The following NLGN1 variants were observed in gnomAD, a reference collection of about 807,000 sequenced individuals.
NLGN1 encodes the protein neuroligin-1.
Under a neutral mutation model 65.5 loss-of-function variants are expected in NLGN1, and 12 were observed. That is an observed-to-expected ratio of 0.18 (90% CI 0.12 to 0.30). The LOEUF (loss-of-function observed/expected upper bound fraction) is 0.30, where lower values mean the gene tolerates loss of function less well. Ranked by LOEUF, NLGN1 falls within the 10% of genes least tolerant of loss-of-function variation. The pLI is 1.00. For synonymous variants in NLGN1, 350 were observed against 359.5 expected, an observed-to-expected ratio of 0.97 and a Z score of 0.30; for missense variants, 750 against 1,007.1, an observed-to-expected ratio of 0.74 and a Z score of 3.46.
intron 4 of NLGN1, among the ~76,000 whole-genome samples, chr3:174,255,696 T>C (rs974902278): frequency 6.6e-6 from 1 of 151,750 alleles, no homozygotes; most frequent in African/African-American, 2.4e-5. Context: ...TCTCACTCTG[T>C]CGCCCAGGCC....
intron 4 of NLGN1, among the ~76,000 whole-genome samples, chr3:174,033,942 G>A (rs934285960): frequency 3.3e-5 from 5 of 152,086 alleles, no homozygotes; most frequent in African/African-American, 1.2e-4. Flanking sequence ...GCAAACCACA[G>A]ATTGAGGGAA....
At chr3:173,423,594 A>G (rs1167358393) in intron 1 of NLGN1, among the ~76,000 whole-genome samples, 2 of 152,180 alleles carry the variant, frequency 1.3e-5, no homozygotes, top group East Asian at 3.9e-4. Flanking sequence ...CAGGGTAACC[A>G]TTAAATCTTG....
intron 4 of NLGN1, among the ~76,000 whole-genome samples, chr3:174,082,650 A>G (rs1742474065): frequency 6.6e-6 from 1 of 151,970 alleles, no homozygotes; most frequent in Non-Finnish European, 1.5e-5. Context: ...AAAGCAATAC[A>G]TTTTTAATAA....
At chr3:173,597,920 G>A (rs1489178094) in intron 2 of NLGN1, among the ~76,000 whole-genome samples, 1 of 151,880 alleles carries the variant, frequency 6.6e-6, no homozygotes, top group Admixed American at 6.6e-5. Context: ...ATCTTCTTGA[G>A]GTTTTCAAAC....
intron 4 of NLGN1, among the ~76,000 whole-genome samples, chr3:173,982,471 T>G (rs1482432553): frequency 6.6e-6 from 1 of 152,170 alleles, no homozygotes; most frequent in African/African-American, 2.4e-5. Flanking sequence ...CCATGTGTTA[T>G]TAAATGCTTG....
At chr3:173,846,458 G>T (rs959812690) in intron 4 of NLGN1, among the ~76,000 whole-genome samples, 1 of 152,188 alleles carries the variant, frequency 6.6e-6, no homozygotes, top group Admixed American at 6.5e-5. Context: ...AGTGGGAGAG[G>T]TGAGAGAACA....
intron 4 of NLGN1, among the ~76,000 whole-genome samples, chr3:173,840,803 T>C (rs987704969): frequency 1.3e-5 from 2 of 152,210 alleles, no homozygotes; most frequent in African/African-American, 4.8e-5. Context: ...TACCACTATT[T>C]TCTTAACCAC....
At chr3:173,454,942 T>A (rs1722257284) in intron 2 of NLGN1, among the ~76,000 whole-genome samples, 1 of 152,206 alleles carries the variant, frequency 6.6e-6, no homozygotes, top group African/African-American at 2.4e-5. Flanking sequence ...TTAACTGGCC[T>A]AACTTTAATA....
intron 3 of NLGN1, among the ~76,000 whole-genome samples, chr3:173,670,931 C>G (rs1385007683): frequency 2.0e-5 from 3 of 152,150 alleles, no homozygotes; most frequent in Admixed American, 6.5e-5. Flanking sequence ...TAAATGTACT[C>G]AAATAAATTA....
chr3:174,285,203 T>A (rs1751971875), exon 7 of NLGN1: 2 of 151,456 alleles, frequency 1.3e-5, no homozygotes, highest in Non-Finnish European at 3.0e-5. Context: ...AAATGATGAA[T>A]TGAATTCTTA....
intron 4 of NLGN1, among the ~76,000 whole-genome samples, chr3:173,837,437 T>C (rs563642603): frequency 6.6e-6 from 1 of 152,282 alleles, no homozygotes; most frequent in East Asian, 1.9e-4. Flanking sequence ...GCTTTGTTCT[T>C]TATGAGGCAA....
chr3:173,913,338 TG>T (rs1740015935), intron 4 of NLGN1, among the ~76,000 whole-genome samples: 1 of 152,184 alleles, frequency 6.6e-6, no homozygotes, highest in African/African-American at 2.4e-5. Flanking sequence ...GAGATTTAGA[TG>T]TTTGATACCC....
At chr3:173,400,020 C>T (rs1438173927) in intron 1 of NLGN1, 1 of 152,116 alleles carries the variant, frequency 6.6e-6, no homozygotes, top group Non-Finnish European at 1.5e-5. Context: ...AATTACCTAA[C>T]AAATACTAAT....
intron 2 of NLGN1, among the ~76,000 whole-genome samples, chr3:173,511,922 A>G (rs1003382213): frequency 2.0e-5 from 3 of 152,290 alleles, no homozygotes; most frequent in Admixed American, 6.5e-5. Flanking sequence ...ATTATATTGC[A>G]GGGTATTTTC....
At chr3:173,867,356 G>C (rs1730368098) in intron 4 of NLGN1, among the ~76,000 whole-genome samples, 1 of 152,042 alleles carries the variant, frequency 6.6e-6, no homozygotes, top group Admixed American at 6.6e-5. Flanking sequence ...GCATTTTTCT[G>C]TATTGGCTAA....
intron 3 of NLGN1, among the ~76,000 whole-genome samples, chr3:173,710,018 G>C (rs1768705498): frequency 6.6e-6 from 1 of 152,012 alleles, no homozygotes; most frequent in Non-Finnish European, 1.5e-5. Context: ...AAAACCTACT[G>C]TTCATCTAAT....
At chr3:173,776,580 G>T (rs1780330588) in intron 3 of NLGN1, among the ~76,000 whole-genome samples, 1 of 151,962 alleles carries the variant, frequency 6.6e-6, no homozygotes, top group East Asian at 1.9e-4. Context: ...TTAATTACCT[G>T]TCCCTTAGAA....
intron 4 of NLGN1, among the ~76,000 whole-genome samples, chr3:174,263,188 A>G (rs1747300529): frequency 6.6e-6 from 1 of 151,000 alleles, no homozygotes; most frequent in South Asian, 2.1e-4. Flanking sequence ...TTCTGTAGAT[A>G]TCTATTAGGT....
chr3:173,656,243 T>C (rs575827937), intron 3 of NLGN1, among the ~76,000 whole-genome samples: 10 of 152,240 alleles, frequency 6.6e-5, no homozygotes, highest in African/African-American at 2.2e-4. Flanking sequence ...CCTAAAACTT[T>C]GTAATATCAA....
Sources: gnomAD v4.1 joint callset for allele counts (sites outside exome capture counted in the v4.1 genomes callset) on GRCh38, gnomAD v4.1.1 for gene constraint, MANE v1.5 for transcripts, NCBI Gene and HGNC (gene_info 2026-07-23, HGNC 2026-07-21) for gene names.